LDAH: variants seen among roughly 807,000 people sequenced by gnomAD.
LDAH encodes lipid droplet associated hydrolase.
Under a neutral mutation model 29.6 loss-of-function variants are expected in LDAH, and 26 were observed. The observed-to-expected ratio is 0.88, with a 90% CI of 0.64 to 1.22. The LOEUF (loss-of-function observed/expected upper bound fraction) is 1.22. Among genes scored for constraint, LDAH ranks in the 50% most tolerant of loss-of-function variants. LDAH has a pLI of 0.00. For synonymous variants in LDAH, 117 were observed against 133.0 expected (o/e 0.88, Z 0.83); for missense variants, 344 against 387.3 (o/e 0.89, Z 0.94).
chr2:20,736,104 G>A (rs945963166), intron 5 of LDAH, among the ~76,000 whole-genome samples: 1 of 152,182 alleles, frequency 6.6e-6, no homozygotes, highest in Admixed American at 6.5e-5. Context: ...AATGGCTGGA[G>A]TAGAGTAGAG....
rs1057087280 is a variant in LDAH at position 20,698,634 on chromosome 2, C to T, written c.786+2936G>A. Among the ~76,000 whole-genome samples, 9 of 151,946 alleles carry T rather than the reference C, an allele frequency of 5.9e-5. No homozygotes were observed. Among genetic ancestry groups the T allele is most frequent in the South Asian group, 4.2e-4 (2 of 4,814 alleles). ...AGTGGAGGTTGCAGTGAGCCGAGAT[C>T]GTGCCACTGCACTCTAGCCTGGGCG... On this transcript the variant is annotated intron_variant, in intron 6 of 6. Coordinates refer to ENST00000237822, the MANE Select transcript of LDAH (RefSeq NM_021925.4). This position sits in a 1 kb window ranked among gnomAD's most constrained non-coding sequence, Gnocchi z 4.4.
intron 3 of LDAH, among the ~76,000 whole-genome samples, chr2:20,782,845 A>G (rs1670288652): frequency 6.6e-6 from 1 of 151,740 alleles, no homozygotes. Flanking sequence ...CATTTTTATC[A>G]TCTTTTCTTC....
chr2:20,809,269 C>T (rs1241930329), intron 1 of LDAH, among the ~76,000 whole-genome samples: 1 of 150,856 alleles, frequency 6.6e-6, no homozygotes, highest in Admixed American at 6.6e-5. Flanking sequence ...CTTGGTGGCG[C>T]GTGCCTGTAA....
chr2:20,792,917 T>G (rs1018013644), intron 2 of LDAH, among the ~76,000 whole-genome samples: 2 of 152,108 alleles, frequency 1.3e-5, no homozygotes, highest in Non-Finnish European at 2.9e-5. Context: ...CTTAACATAT[T>G]TTTTTAAATG....
intron 5 of LDAH, among the ~76,000 whole-genome samples, chr2:20,720,842 C>G (rs1048229244): frequency 6.6e-6 from 1 of 152,046 alleles, no homozygotes; most frequent in Non-Finnish European, 1.5e-5. Context: ...ATACTTACAG[C>G]CAACTTGTTT....
intron 6 of LDAH, among the ~76,000 whole-genome samples, chr2:20,699,788 T>G (rs1195556708): frequency 5.9e-5 from 9 of 152,200 alleles, no homozygotes. Flanking sequence ...AAAATTTCAG[T>G]AAACTTACAG....
rs1473501989 is a variant in LDAH at position 20,817,377 on chromosome 2, T to C, written c.-3+5660A>G. Among the ~76,000 whole-genome samples the C allele has an allele frequency of 3.3e-5, 5 of 152,154 alleles. No homozygotes were observed. In the East Asian group the frequency reaches 5.8e-4, roughly 18 times the overall value. ...CACTAAAAACCATGTAGAATACTAT[T>C]ACCCTACCAAAGCCTGACAAAGGCA... On this transcript the variant is annotated intron_variant, in intron 1 of 6. Transcript: ENST00000237822.
intron 1 of LDAH, among the ~76,000 whole-genome samples, chr2:20,812,739 A>G (rs1672580459): frequency 6.6e-6 from 1 of 152,254 alleles, no homozygotes; most frequent in African/African-American, 2.4e-5. Flanking sequence ...GAGTGTTTCA[A>G]GAAAGTGGCA....
At chr2:20,725,444 G>A (rs1665945501) in intron 5 of LDAH, among the ~76,000 whole-genome samples, 1 of 152,174 alleles carries the variant, frequency 6.6e-6, no homozygotes, top group South Asian at 2.1e-4. Context: ...GGGTTACAAC[G>A]CCTGAAGGCA....
intron 3 of LDAH, among the ~76,000 whole-genome samples, chr2:20,786,964 G>A (rs1274041091): frequency 6.6e-6 from 1 of 152,114 alleles, no homozygotes; most frequent in Non-Finnish European, 1.5e-5. Flanking sequence ...AAAAACCATA[G>A]AGGACATTTC....
chr2:20,720,055 A>G (rs1378549848), intron 5 of LDAH, among the ~76,000 whole-genome samples: 1 of 152,112 alleles, frequency 6.6e-6, no homozygotes, highest in Non-Finnish European at 1.5e-5. Context: ...ATCTAACAAG[A>G]CAAGATGCCC....
chr2:20,717,389 G>C (rs771194836), intron 5 of LDAH, among the ~76,000 whole-genome samples: 4 of 152,124 alleles, frequency 2.6e-5, no homozygotes, highest in African/African-American at 7.2e-5. Flanking sequence ...CTACAAACCA[G>C]TAAGAAAAAG....
chr2:20,704,449 G>A (rs560468638), intron 5 of LDAH, among the ~76,000 whole-genome samples: 1 of 152,136 alleles, frequency 6.6e-6, no homozygotes, highest in South Asian at 2.1e-4. Context: ...ATACATTATG[G>A]TCTATTCACT....
At position 20,806,651 on chromosome 2, in the gene LDAH, T is replaced by C. The variant is rs1020384283; in HGVS notation, c.-2-5186A>G. On this transcript the variant is annotated intron_variant, in intron 1 of 6. Transcript: ENST00000237822. ...TTTTAAAAATGTTAAAAAAAATCCATAACCACTGAAAGAATTTATAAGACT... is the reference window on the plus strand; with the variant it reads ...TTTTAAAAATGTTAAAAAAAATCCACAACCACTGAAAGAATTTATAAGACT... Among the ~76,000 whole-genome samples, 162 of 151,834 alleles carry C rather than the reference T, an allele frequency of 1.1e-3. 1 individual carries two copies. The highest frequency in any genetic ancestry group is 2.5e-4 in the Non-Finnish European group (17 of 67,866).
intron 5 of LDAH, among the ~76,000 whole-genome samples, chr2:20,736,130 T>A (rs1221354856): frequency 6.6e-6 from 1 of 152,138 alleles, no homozygotes; most frequent in African/African-American, 2.4e-5. Context: ...ACTGTCTAAA[T>A]GTTTCTTTTA....
intron 1 of LDAH, among the ~76,000 whole-genome samples, chr2:20,805,399 C>T (rs973384708): frequency 1.3e-5 from 2 of 152,164 alleles, no homozygotes; most frequent in South Asian, 4.1e-4. Context: ...GAATCTCACA[C>T]ACCCACGTAA....
At chr2:20,710,760 C>CATATATATTAT (rs1474274149) in intron 5 of LDAH, among the ~76,000 whole-genome samples, 19 of 148,556 alleles carry the variant, frequency 1.3e-4, no homozygotes, top group African/African-American at 4.7e-4. Context: ...CATATATATA[C>CATATATATTAT]ACATATATAT....
intron 1 of LDAH, among the ~76,000 whole-genome samples, chr2:20,815,479 AT>A (rs1672788138): frequency 6.6e-6 from 1 of 152,292 alleles, no homozygotes; most frequent in African/African-American, 2.4e-5. Flanking sequence ...AAGATACATC[AT>A]AAGTCAAGTT....
At chr2:20,791,109 C>T (rs1048999100) in intron 2 of LDAH, among the ~76,000 whole-genome samples, 3 of 152,186 alleles carry the variant, frequency 2.0e-5, no homozygotes, top group African/African-American at 7.2e-5. Context: ...TGACATGGCT[C>T]TGGAGCACTG....
Sources: gnomAD v4.1 joint callset for allele counts (sites outside exome capture counted in the v4.1 genomes callset) on GRCh38, gnomAD v4.1.1 for gene constraint, Gnocchi (gnomAD v3.1) non-coding constraint, MANE v1.5 for transcripts, NCBI Gene and HGNC (gene_info 2026-07-23, HGNC 2026-07-21) for gene names.